Variants in EFHD1 observed in about 807,000 individuals in gnomAD.
EFHD1 encodes the protein EF-hand domain family member D1, also known as EF-hand domain-containing protein D1.
EFHD1 carries 10 observed loss-of-function variants against 17.2 expected under a neutral mutation model. The ratio of observed to expected loss-of-function variants is 0.58; its 90% CI spans 0.36 to 0.99. The LOEUF (loss-of-function observed/expected upper bound fraction) is 0.99, where lower values mean the gene tolerates loss of function less well. Ranked by LOEUF, EFHD1 falls within the 50% of genes least tolerant of loss-of-function variation. EFHD1 has a pLI of 0.01. For synonymous variants in EFHD1, 153 were observed against 142.0 expected (o/e 1.08, Z -0.55); for missense variants, 310 against 327.5 (o/e 0.95, Z 0.41).
rs1476191133 is a variant in EFHD1 at position 232,623,488 on chromosome 2, A to T, written c.14+17315A>T. On this transcript the variant is annotated intron_variant, in intron 1 of 3. Coordinates refer to the EFHD1 transcript ENST00000409613. ...CAGGAGTTCGAGACCAGCCTGGCCA[A>T]CACAGTGAAACCGCGTCTCTACTAA... 2.0e-5 allele frequency among the ~76,000 whole-genome samples: 3 copies of T among 151,398 alleles called. No homozygotes were observed. In the East Asian group the frequency reaches 5.9e-4, roughly 30 times the overall value.
chr2:232,660,971 C>T (rs1444758037), intron 1 of EFHD1, among the ~76,000 whole-genome samples: 11 of 151,770 alleles, frequency 7.2e-5, no homozygotes, highest in Non-Finnish European at 1.3e-4. Context: ...GAGCCAGACT[C>T]CGTCTCAAAA....
At chr2:232,647,004 G>A (rs1231876980) in intron 1 of EFHD1, among the ~76,000 whole-genome samples, 1 of 152,262 alleles carries the variant, frequency 6.6e-6, no homozygotes, top group African/African-American at 2.4e-5. Context: ...GGGAGGTAAT[G>A]TGAGCCTTCA....
chr2:232,654,416 CTTTTTT>C (rs539954632), intron 1 of EFHD1, among the ~76,000 whole-genome samples: 3 of 94,596 alleles, frequency 3.2e-5, no homozygotes, highest in Non-Finnish European at 6.1e-5. Flanking sequence ...TTCTTTCTTT[CTTTTTT>C]TTTTTTTTTT....
chr2:232,612,845 G>C (rs938481880), intron 1 of EFHD1, among the ~76,000 whole-genome samples: 1 of 149,472 alleles, frequency 6.7e-6, no homozygotes, highest in Non-Finnish European at 1.5e-5. Context: ...CAATTCTCCT[G>C]CCTCAGCCTC....
At chr2:232,674,142 C>T (rs1195744473) in intron 3 of EFHD1, among the ~76,000 whole-genome samples, 1 of 152,178 alleles carries the variant, frequency 6.6e-6, no homozygotes, top group Non-Finnish European at 1.5e-5. Context: ...CTCCTGACCT[C>T]GTGATCTGCC....
intron 1 of EFHD1, among the ~76,000 whole-genome samples, chr2:232,614,108 A>T (rs1693875595): frequency 6.6e-6 from 1 of 151,782 alleles, no homozygotes; most frequent in Admixed American, 6.6e-5. Flanking sequence ...CACATGTATT[A>T]TACACACATG....
rs117270732 is a variant in EFHD1, at chr2:232,668,152, C to T, written c.451-4157C>T. ...GTTTCCAATTCTTCTACCACATGCC[C>T]GGCTTTGTGGACTATAAATAGGAAG... On this transcript the variant is annotated intron_variant, in intron 2 of 3. Coordinates refer to ENST00000264059, the MANE Select transcript of EFHD1 (RefSeq NM_025202.4). Among the ~76,000 whole-genome samples, 182 of 152,316 alleles carry T rather than the reference C, an allele frequency of 1.2e-3. 7 individuals are homozygous for T. In the East Asian group the frequency reaches 0.025, roughly 21 times the overall value.
chr2:232,633,916 G>A lies in EFHD1; in HGVS notation c.212G>A (p.Arg71Gln), dbSNP rs188570734. The A allele has an allele frequency of 1.3e-6, 2 of 1,585,564 alleles. No individual in the cohort carries two copies. The highest frequency in any genetic ancestry group is 2.4e-5 in the East Asian group (1 of 42,396). Residue 71 changes from arginine to glutamine, a missense_variant, in exon 1 of 4, where the codon CGG becomes CAG. Arg to Gln is a conservative substitution (Grantham distance 43). Coordinates refer to ENST00000264059, the MANE Select transcript of EFHD1 (RefSeq NM_025202.4). Reference sequence around the variant, plus strand: ...CTGGACATCAACGAGGGCGCTGCGCGGCCCCGGCGCTGCAGGGTCTTCAAC... The same window carrying A: ...CTGGACATCAACGAGGGCGCTGCGCAGCCCCGGCGCTGCAGGGTCTTCAAC... ...RRLDINEGAA[R>Q]PRRCRVFNPY... is the part of the protein sequence containing the mutation.
chr2:232,615,552 C>T (rs940273059), intron 1 of EFHD1, among the ~76,000 whole-genome samples: 1 of 152,044 alleles, frequency 6.6e-6, no homozygotes, highest in Non-Finnish European at 1.5e-5. Flanking sequence ...GGTTTTGTTT[C>T]TTCAAGAGAT....
chr2:232,672,657 G>A (rs1192506921), intron 3 of EFHD1, among the ~76,000 whole-genome samples: 5 of 152,092 alleles, frequency 3.3e-5, no homozygotes, highest in African/African-American at 4.8e-5. Flanking sequence ...TCTGAGCCTC[G>A]GTGTCTTCAT....
Position 232,614,094 on chromosome 2 carries a change from CAT to C in EFHD1, c.14+7923_14+7924del, listed in dbSNP as rs1185268860. Among the ~76,000 whole-genome samples, 58 of 58,566 alleles carry C rather than the reference CAT, an allele frequency of 9.9e-4. 1 individual carries two copies. In the South Asian group the frequency reaches 0.018, roughly 18 times the overall value. 38.4% of individuals were successfully genotyped at this position (58,566 alleles called of 152,430 possible). ...CACATTATACACACATATATACACA[CAT>C]ACACATGTATTATACACACATGCAC... On this transcript the variant is annotated intron_variant, in intron 1 of 3. Coordinates refer to the EFHD1 transcript ENST00000409613.
At chr2:232,655,233 TG>T (rs1364625970) in intron 1 of EFHD1, among the ~76,000 whole-genome samples, 2 of 152,120 alleles carry the variant, frequency 1.3e-5, no homozygotes, top group African/African-American at 2.4e-5. Flanking sequence ...TTGCCCAGGC[TG>T]GACTTGACCT....
chr2:232,652,737 G>C (rs998549855), intron 1 of EFHD1, among the ~76,000 whole-genome samples: 1 of 152,148 alleles, frequency 6.6e-6, no homozygotes, highest in East Asian at 1.9e-4. Flanking sequence ...GCTGTGTGCA[G>C]TTCCCTAGGT....
chr2:232,664,313 A>G (rs1027946768), intron 2 of EFHD1, among the ~76,000 whole-genome samples: 1 of 148,794 alleles, frequency 6.7e-6, no homozygotes, highest in Non-Finnish European at 1.5e-5. Context: ...TAATTGAAAA[A>G]ATTTTTTTGT....
intron 1 of EFHD1, among the ~76,000 whole-genome samples, chr2:232,645,398 G>A (rs760410330): frequency 3.9e-4 from 59 of 152,096 alleles, no homozygotes; most frequent in Non-Finnish European, 6.9e-4. Flanking sequence ...CCAGCTCTAG[G>A]GTTTGACATC....
chr2:232,658,659 T>TA (rs1343519383), intron 1 of EFHD1, among the ~76,000 whole-genome samples: 20 of 152,080 alleles, frequency 1.3e-4, no homozygotes, highest in South Asian at 1.0e-3. Context: ...GGTATATTGA[T>TA]ACAGTGGAAT....
chr2:232,619,729 G>A (rs191438535), intron 1 of EFHD1, among the ~76,000 whole-genome samples: 9 of 152,230 alleles, frequency 5.9e-5, no homozygotes, highest in South Asian at 2.1e-4. Context: ...TGAATTGTAC[G>A]CATCAAAATG....
chr2:232,657,570 G>A (rs1694784695), intron 1 of EFHD1, among the ~76,000 whole-genome samples: 1 of 152,100 alleles, frequency 6.6e-6, no homozygotes, highest in African/African-American at 2.4e-5. Flanking sequence ...TGCATTTTGG[G>A]AGACCGAGGC....
chr2:232,627,511 T>G (rs1476968233), intron 1 of EFHD1, among the ~76,000 whole-genome samples: 1 of 152,150 alleles, frequency 6.6e-6, no homozygotes, highest in Non-Finnish European at 1.5e-5. Flanking sequence ...AAAAGCCTAT[T>G]AAATGACACC....
Sources: gnomAD v4.1 joint callset for allele counts (sites outside exome capture counted in the v4.1 genomes callset) on GRCh38, gnomAD v4.1.1 for gene constraint, MANE v1.5 for transcripts, NCBI Gene and HGNC (gene_info 2026-07-23, HGNC 2026-07-21) for gene names.